MAF: variants seen among roughly 807,000 people sequenced by gnomAD.
The protein encoded by MAF is transcription factor Maf.
Under a neutral mutation model 22.0 loss-of-function variants are expected in MAF, and 10 were observed. The ratio of observed to expected loss-of-function variants is 0.45; its 90% CI spans 0.28 to 0.77. The LOEUF is 0.77. Among genes scored for constraint, MAF ranks in the 30% least tolerant of loss-of-function variants. The pLI is 0.12. For missense variants in MAF, 544 were observed against 548.4 expected (o/e 0.99, Z 0.08); for synonymous variants, 337 against 255.8 (o/e 1.32, Z -3.03).
chr16:79,343,573 G>A, the MAF span, among the ~76,000 whole-genome samples: 3 of 152,116 alleles, frequency 2.0e-5, no homozygotes, highest in Admixed American at 6.5e-5. Context: ...CATTATTTGT[G>A]CCAGTGATAT....
At chr16:79,333,557 A>G in the MAF span, among the ~76,000 whole-genome samples, 5 of 152,218 alleles carry the variant, frequency 3.3e-5, no homozygotes, top group African/African-American at 1.2e-4. Context: ...TGATTTTGCT[A>G]GGTGGACAAA....
the MAF span, among the ~76,000 whole-genome samples, chr16:79,344,569 G>C: frequency 2.6e-5 from 4 of 152,134 alleles, no homozygotes; most frequent in East Asian, 7.7e-4. Flanking sequence ...TCCCATCTCA[G>C]ACACATTCAA....
At chr16:79,241,448 T>C in the MAF span, among the ~76,000 whole-genome samples, 1 of 151,990 alleles carries the variant, frequency 6.6e-6, no homozygotes, top group Non-Finnish European at 1.5e-5. Context: ...TATCAGATAC[T>C]GAAGATTAAC....
chr16:79,472,663 C>A, the MAF span, among the ~76,000 whole-genome samples: 1 of 151,928 alleles, frequency 6.6e-6, no homozygotes, highest in Non-Finnish European at 1.5e-5. Context: ...GAGTTTCCTT[C>A]TAGGGTGTAG....
At chr16:79,413,212 T>TGTG in the MAF span, among the ~76,000 whole-genome samples, 1 of 10,264 alleles carries the variant, frequency 9.7e-5, no homozygotes, top group Non-Finnish European at 1.7e-4. Flanking sequence ...GCTGTGCAGT[T>TGTG]TTTTTTTTTT....
chr16:79,563,764 A>ACACAC, the MAF span, among the ~76,000 whole-genome samples: 1,745 of 123,738 alleles, frequency 0.014, 33 homozygotes, highest in African/African-American at 0.046. Context: ...CACACACACA[A>ACACAC]ACACACACAC....
At chr16:79,585,666 A>G (rs1020564609), downstream of MAF, among the ~76,000 whole-genome samples, 2 of 152,228 alleles carry the variant, frequency 1.3e-5, no homozygotes, top group Admixed American at 6.5e-5. Context: ...TCTCACATAT[A>G]TCGCATGTAT....
the MAF span, among the ~76,000 whole-genome samples, chr16:79,567,578 C>A: frequency 6.6e-6 from 1 of 152,042 alleles, no homozygotes; most frequent in African/African-American, 2.4e-5. Context: ...TTTTTCCTGT[C>A]CTGATCTGGG....
chr16:79,508,299 C>A, the MAF span, among the ~76,000 whole-genome samples: 1 of 152,118 alleles, frequency 6.6e-6, no homozygotes, highest in East Asian at 1.9e-4. Flanking sequence ...TGGACTTGGC[C>A]AATGGGGAGT....
At chr16:79,301,002 G>C in the MAF span, among the ~76,000 whole-genome samples, 7 of 151,924 alleles carry the variant, frequency 4.6e-5, no homozygotes, top group Non-Finnish European at 1.0e-4. Context: ...GGGAATAAAA[G>C]AGAGGAAAGG....
the MAF span, among the ~76,000 whole-genome samples, chr16:79,227,295 G>A: frequency 1.8e-4 from 28 of 152,216 alleles, no homozygotes; most frequent in Non-Finnish European, 3.2e-4. Flanking sequence ...AGACTGCAGT[G>A]AGCCTTGATT....
chr16:79,548,687 C>A, the MAF span, among the ~76,000 whole-genome samples: 1 of 152,048 alleles, frequency 6.6e-6, no homozygotes, highest in Non-Finnish European at 1.5e-5. Context: ...TCAGAGCTTC[C>A]CTGCAGACTT....
the MAF span, among the ~76,000 whole-genome samples, chr16:79,275,869 CG>C: frequency 1.3e-5 from 2 of 152,060 alleles, no homozygotes; most frequent in African/African-American, 4.8e-5. Context: ...AGGCAGGGTG[CG>C]GGGGCTCATG....
chr16:79,304,357 A>G, the MAF span, among the ~76,000 whole-genome samples: 2 of 152,198 alleles, frequency 1.3e-5, no homozygotes, highest in Non-Finnish European at 2.9e-5. Flanking sequence ...ACACTGGGTG[A>G]TACTGTATCG....
the MAF span, among the ~76,000 whole-genome samples, chr16:79,539,735 G>C: frequency 6.6e-6 from 1 of 152,086 alleles, no homozygotes; most frequent in African/African-American, 2.4e-5. Context: ...TGCAGCTTTG[G>C]ATAATGTTAA....
At chr16:79,305,313 C>A in the MAF span, among the ~76,000 whole-genome samples, 1 of 152,216 alleles carries the variant, frequency 6.6e-6, no homozygotes, top group Non-Finnish European at 1.5e-5. Flanking sequence ...ACCGACCCGC[C>A]TGTGCTCTGC....
the MAF span, among the ~76,000 whole-genome samples, chr16:79,573,435 G>C: frequency 6.6e-6 from 1 of 152,014 alleles, no homozygotes; most frequent in Admixed American, 6.6e-5. Flanking sequence ...CACCCCTCCT[G>C]TTCACCTCAT....
chr16:79,517,797 A>C, the MAF span, among the ~76,000 whole-genome samples: 33 of 152,076 alleles, frequency 2.2e-4, no homozygotes, highest in South Asian at 5.4e-3. Flanking sequence ...CTGGTCTCAA[A>C]CTTCTGACCT....
At chr16:79,400,151 T>A in the MAF span, among the ~76,000 whole-genome samples, 1 of 152,250 alleles carries the variant, frequency 6.6e-6, no homozygotes. Flanking sequence ...ACACCAGCAA[T>A]GTGGTTAAAC....
Sources: allele counts gnomAD v4.1 joint callset (sites outside exome capture counted in the v4.1 genomes callset), GRCh38; gene constraint gnomAD v4.1.1; transcripts MANE v1.5; gene names NCBI Gene and HGNC (gene_info 2026-07-23, HGNC 2026-07-21).